The following PHF14 variants were observed in gnomAD, a reference collection of about 807,000 sequenced individuals.
PHF14 encodes PHD finger protein 14.
PHF14 carries 55 observed loss-of-function variants against 117.9 expected under a neutral mutation model. That is an observed-to-expected ratio of 0.47 (90% CI 0.38 to 0.58). The LOEUF (loss-of-function observed/expected upper bound fraction) is 0.58, where lower values mean the gene tolerates loss of function less well. Ranked by LOEUF, PHF14 falls within the 20% of genes least tolerant of loss-of-function variation. The probability of loss-of-function intolerance (pLI) is 0.00; values close to 1 mark genes in which losing one functional copy is unlikely to be tolerated. For synonymous variants in PHF14, 409 were observed against 368.6 expected, an observed-to-expected ratio of 1.11 and a Z score of -1.26; for missense variants, 978 against 1,122.2, an observed-to-expected ratio of 0.87 and a Z score of 1.84.
At chr7:10,975,401 G>A (rs1169655653) in intron 2 of PHF14, among the ~76,000 whole-genome samples, 2 of 152,160 alleles carry the variant, frequency 1.3e-5, no homozygotes, top group African/African-American at 2.4e-5. Context: ...ATTGACCAGA[G>A]TAAGAGTTGC....
chr7:11,118,832 T>G (rs1787671791), intron 17 of PHF14, among the ~76,000 whole-genome samples: 1 of 151,880 alleles, frequency 6.6e-6, no homozygotes, highest in African/African-American at 2.4e-5. Flanking sequence ...TATACTTCAG[T>G]AAATTATTCC....
chr7:11,100,890 A>G (rs2128341222), intron 16 of PHF14, among the ~76,000 whole-genome samples: 1 of 152,130 alleles, frequency 6.6e-6, no homozygotes, highest in South Asian at 2.1e-4. Flanking sequence ...GGACAAAAAA[A>G]GTAGATACTT....
intron 4 of PHF14, 137 bp from the exon 5 acceptor site, chr7:11,013,610 A>T (rs1259616908): frequency 9.9e-6 from 5 of 505,658 alleles, no homozygotes; most frequent in Non-Finnish European, 1.1e-5. Context: ...TTATTTCTGT[A>T]TTTTAATACG....
intron 17 of PHF14, among the ~76,000 whole-genome samples, chr7:11,137,478 G>A (rs1397369515): frequency 1.3e-5 from 2 of 151,568 alleles, no homozygotes; most frequent in Non-Finnish European, 2.9e-5. Context: ...ACTTTAGCTG[G>A]AACTGCAGTT....
intron 4 of PHF14, among the ~76,000 whole-genome samples, chr7:10,997,694 C>A (rs1219607536): frequency 6.6e-6 from 1 of 152,152 alleles, no homozygotes. Context: ...GGCTTCAGTT[C>A]TTTGATGGCT....
At chr7:11,006,220 G>C (rs1783085990) in intron 4 of PHF14, among the ~76,000 whole-genome samples, 1 of 152,018 alleles carries the variant, frequency 6.6e-6, no homozygotes, top group Non-Finnish European at 1.5e-5. Flanking sequence ...TATTCTTTTG[G>C]ATATAATCTC....
chr7:11,151,419 T>G (rs901916160), intron 17 of PHF14, among the ~76,000 whole-genome samples: 2 of 152,046 alleles, frequency 1.3e-5, no homozygotes, highest in Non-Finnish European at 2.9e-5. Flanking sequence ...ATTAGCTGGT[T>G]GTGGTGGTGC....
intron 17 of PHF14, among the ~76,000 whole-genome samples, chr7:11,121,892 A>C (rs1787767343): frequency 6.6e-6 from 1 of 151,674 alleles, no homozygotes; most frequent in Admixed American, 6.6e-5. Context: ...ACGTGTCCAG[A>C]ACGTACAGGT....
intron 17 of PHF14, among the ~76,000 whole-genome samples, chr7:11,113,107 T>G (rs190719876): frequency 1.7e-3 from 266 of 152,156 alleles, no homozygotes; most frequent in African/African-American, 6.1e-3. Context: ...AGCAAACAAG[T>G]TAGGAAAACA....
intron 8 of PHF14, 36 bp from the exon 9 acceptor site, chr7:11,036,379 TTTA>T (rs1784327226): frequency 6.8e-7 from 1 of 1,474,162 alleles, no homozygotes; most frequent in African/African-American, 1.4e-5. Flanking sequence ...CATGTTTCAT[TTTA>T]TTATCTTTTA....
chr7:11,144,176 C>G (rs960492414), intron 17 of PHF14, among the ~76,000 whole-genome samples: 3 of 151,922 alleles, frequency 2.0e-5, no homozygotes, highest in African/African-American at 7.3e-5. Flanking sequence ...ATTTCTCATC[C>G]CAGTTAGAAT....
chr7:10,977,722 A>G lies in PHF14; in HGVS notation c.112+2777A>G, dbSNP rs1044689362. Among the ~76,000 whole-genome samples, 9 of 152,196 alleles carry G rather than the reference A, an allele frequency of 5.9e-5. No individual in the cohort carries two copies. The East Asian group carries it at 1.2e-3, about 19-fold the overall frequency. On this transcript the variant is annotated intron_variant, in intron 2 of 17. Coordinates refer to ENST00000634607, the MANE Select transcript of PHF14 (RefSeq NM_001007157.2). ...TCCTAAAATAGGATATATATGCATT[A>G]TTAGAATTATGGTGATAACCACCAG... is the stretch of plus-strand genomic sequence containing the variant.
chr7:11,010,055 A>G (rs111576751), intron 4 of PHF14, among the ~76,000 whole-genome samples: 2,388 of 152,264 alleles, frequency 0.016, 48 homozygotes, highest in African/African-American at 0.055. Flanking sequence ...ATAGCTCCTT[A>G]AGGGCTTTAT....
chr7:11,035,155 T>C (rs983903255), intron 7 of PHF14, among the ~76,000 whole-genome samples: 8 of 150,906 alleles, frequency 5.3e-5, no homozygotes, highest in Admixed American at 2.6e-4. Flanking sequence ...ATAAAACCAA[T>C]ACAGTGTAAC....
chr7:11,048,399 C>G (rs985481168), intron 13 of PHF14, among the ~76,000 whole-genome samples: 1 of 152,030 alleles, frequency 6.6e-6, no homozygotes, highest in African/African-American at 2.4e-5. Context: ...TGGTGAAACC[C>G]CATCTGTACT....
chr7:11,070,364 C>T (rs935743079), intron 16 of PHF14, among the ~76,000 whole-genome samples: 3 of 152,314 alleles, frequency 2.0e-5, no homozygotes, highest in South Asian at 2.1e-4. Flanking sequence ...AGGCATGAGC[C>T]GCTGTACCCA....
At chr7:11,058,101 C>G (rs1259322210) in intron 14 of PHF14, among the ~76,000 whole-genome samples, 1 of 152,154 alleles carries the variant, frequency 6.6e-6, no homozygotes, top group Non-Finnish European at 1.5e-5. Context: ...TTATTTTCAT[C>G]CTACAGTTTT....
intron 17 of PHF14, among the ~76,000 whole-genome samples, chr7:11,154,780 C>T (rs988821338): frequency 3.3e-5 from 5 of 152,096 alleles, no homozygotes; most frequent in Non-Finnish European, 7.4e-5. Context: ...ATAGCCTTTT[C>T]CTAATTACTA....
chr7:11,019,135 C>T lies in PHF14; in HGVS notation c.1206-3733C>T, dbSNP rs1783636046. Among the ~76,000 whole-genome samples the T allele has an allele frequency of 2.0e-5, 3 of 152,184 alleles. No individual in the cohort carries two copies. In the South Asian group the frequency reaches 6.2e-4, roughly 32 times the overall value. Reference sequence around the variant, plus strand: ...CTAACGTATTGTTAAATTCGGTTTGCTGGTATTTTGTTGAGGATCTTTGCG... The same window carrying T: ...CTAACGTATTGTTAAATTCGGTTTGTTGGTATTTTGTTGAGGATCTTTGCG... On this transcript the variant is annotated intron_variant, in intron 5 of 17. Transcript: ENST00000634607.
Sources: allele counts gnomAD v4.1 joint callset (sites outside exome capture counted in the v4.1 genomes callset), GRCh38; gene constraint gnomAD v4.1.1; transcripts MANE v1.5; gene names NCBI Gene and HGNC (gene_info 2026-07-23, HGNC 2026-07-21).